RNF125: variants seen among roughly 807,000 people sequenced by gnomAD.
RNF125 encodes the protein E3 ubiquitin-protein ligase RNF125.
In RNF125, 21 loss-of-function variants were observed where a neutral mutation model predicts 26.0. That is an observed-to-expected ratio of 0.81 (90% CI 0.57 to 1.16). The LOEUF (loss-of-function observed/expected upper bound fraction) is 1.16. RNF125 is among the 50% of genes most tolerant of loss of function. The pLI is 0.00. For missense variants in RNF125, 270 were observed against 299.4 expected (o/e 0.90, Z 0.72); for synonymous variants, 95 against 109.2 (o/e 0.87, Z 0.81).
At chr18:32,062,685 A>G (rs1363437764) in intron 4 of RNF125, among the ~76,000 whole-genome samples, 1 of 152,200 alleles carries the variant, frequency 6.6e-6, no homozygotes, top group Non-Finnish European at 1.5e-5. Context: ...GATAAATTGG[A>G]CACTGTTAGA....
At chr18:32,063,045 C>T (rs765783773) in intron 4 of RNF125, among the ~76,000 whole-genome samples, 5 of 151,740 alleles carry the variant, frequency 3.3e-5, no homozygotes, top group Non-Finnish European at 5.9e-5. Flanking sequence ...AATGGTGAAA[C>T]CCTGTCTTTA....
chr18:32,063,967 TCTTTTTTTTTTTTTTAATCCATCAAGTC>T (rs1283179596), intron 4 of RNF125, among the ~76,000 whole-genome samples: 2 of 151,210 alleles, frequency 1.3e-5, no homozygotes, highest in African/African-American at 4.9e-5. Context: ...ATGGTCTGTA[TCTTTTTTTTTTTTTTAATCCATCAAGTC>T]CTTTTTTTTT....
downstream of RNF125, among the ~76,000 whole-genome samples, chr18:32,076,988 GTTATC>G (rs1040990247): frequency 3.0e-4 from 45 of 152,096 alleles, no homozygotes; most frequent in African/African-American, 1.0e-3. Flanking sequence ...AGAATGAGAA[GTTATC>G]TTATACATTT....
chr18:32,078,648 AAAG>A, the RNF125 span, among the ~76,000 whole-genome samples: 1 of 152,154 alleles, frequency 6.6e-6, no homozygotes, highest in Non-Finnish European at 1.5e-5. Flanking sequence ...TCTAAAAAAA[AAAG>A]AAAAGAAAAA....
At chr18:32,084,418 TG>T in the RNF125 span, among the ~76,000 whole-genome samples, 1 of 152,206 alleles carries the variant, frequency 6.6e-6, no homozygotes, top group African/African-American at 2.4e-5. Flanking sequence ...AAATGTGAGT[TG>T]ATTTGTTGAA....
chr18:32,072,653 A>G lies in RNF125; in HGVS notation c.*4269A>G, dbSNP rs1168814956. The G allele has an allele frequency of 2.0e-5, 3 of 152,238 alleles. No homozygotes were observed. Among genetic ancestry groups the G allele is most frequent in the Admixed American group, 6.5e-5 (1 of 15,282 alleles). 9.4% of individuals were successfully genotyped at this position (152,238 alleles called of 1,614,324 possible). On this transcript the variant is annotated 3_prime_UTR_variant, in exon 6 of 6. Transcript: ENST00000217740. ...TGTTTTACTGTGCCTTTGGCCTTTT[A>G]TAAAAAGGTATTTATAATTCGTTGA...
chr18:32,048,815 A>G (rs1301880435), intron 4 of RNF125, among the ~76,000 whole-genome samples: 4 of 152,174 alleles, frequency 2.6e-5, no homozygotes, highest in Non-Finnish European at 4.4e-5. Context: ...TGTAGGAGGA[A>G]CTGGGCTAGG....
chr18:32,063,108 T>G (rs370211078), intron 4 of RNF125, among the ~76,000 whole-genome samples: 1 of 151,080 alleles, frequency 6.6e-6, no homozygotes, highest in African/African-American at 2.4e-5. Flanking sequence ...TAATCCCAGC[T>G]ACTTGGGAGG....
intron 4 of RNF125, among the ~76,000 whole-genome samples, chr18:32,054,371 G>A (rs2039359966): frequency 6.6e-6 from 1 of 152,108 alleles, no homozygotes; most frequent in Non-Finnish European, 1.5e-5. Flanking sequence ...GCGATTACCG[G>A]CATGAGCCAC....
intron 1 of RNF125, among the ~76,000 whole-genome samples, chr18:32,025,743 CGT>C (rs139472981): frequency 1.1e-4 from 16 of 146,692 alleles, no homozygotes; most frequent in Admixed American, 1.4e-4. Flanking sequence ...TTTGTGTATG[CGT>C]GTGTGTGTGT....
intron 4 of RNF125, among the ~76,000 whole-genome samples, chr18:32,056,843 A>T (rs184620608): frequency 6.6e-6 from 1 of 152,304 alleles, no homozygotes; most frequent in East Asian, 1.9e-4. Flanking sequence ...ACAGCAAAAA[A>T]TTACAAACCT....
At chr18:32,043,511 C>A (rs1319625393) in intron 3 of RNF125, among the ~76,000 whole-genome samples, 1 of 152,136 alleles carries the variant, frequency 6.6e-6, no homozygotes, top group African/African-American at 2.4e-5. Context: ...TAGCTTTATA[C>A]CCTGACTTTA....
chr18:32,080,833 G>T, the RNF125 span, among the ~76,000 whole-genome samples: 10 of 152,198 alleles, frequency 6.6e-5, no homozygotes, highest in Admixed American at 6.5e-5. Flanking sequence ...CCAAGATGGC[G>T]CCACTGCACT....
intron 1 of RNF125, among the ~76,000 whole-genome samples, chr18:32,024,197 TTTTTTTTTTTTC>T (rs200215968): frequency 0.031 from 3,051 of 98,572 alleles, 122 homozygotes; most frequent in African/African-American, 0.1. Flanking sequence ...CCATTCTTTT[TTTTTTTTTTTTC>T]TTTTTTTTTT....
intron 3 of RNF125, among the ~76,000 whole-genome samples, chr18:32,042,707 A>G (rs1211841155): frequency 6.6e-6 from 1 of 150,752 alleles, no homozygotes; most frequent in African/African-American, 2.4e-5. Flanking sequence ...AGACAGCAGC[A>G]TCTCAGTATA....
rs546284192 is a variant in RNF125 at position 32,053,277 on chromosome 18, G to A, written c.504+7545G>A. On this transcript the variant is annotated intron_variant, in intron 4 of 5. Transcript: ENST00000217740. ...CTCGGGAGACTGAGGCAGGAGAATC[G>A]CTTGAACCCGGGAGGTGGAGGTTGT... is the stretch of plus-strand genomic sequence containing the variant. Among the ~76,000 whole-genome samples, 168 of 152,180 alleles carry A rather than the reference G, an allele frequency of 1.1e-3. 1 individual carries two copies. The highest frequency in any genetic ancestry group is 0.01 in the Middle Eastern group (3 of 294).
the RNF125 span, among the ~76,000 whole-genome samples, chr18:32,082,166 A>G: frequency 6.6e-6 from 1 of 151,716 alleles, no homozygotes. Context: ...TATCAGTACA[A>G]AATACATTGG....
chr18:32,035,466 C>T (rs2039143690), intron 1 of RNF125, among the ~76,000 whole-genome samples: 1 of 152,062 alleles, frequency 6.6e-6, no homozygotes, highest in East Asian at 1.9e-4. Context: ...CTGTGCCTGC[C>T]CATCACTAAA....
At chr18:32,028,685 T>G (rs2039064177) in intron 1 of RNF125, among the ~76,000 whole-genome samples, 1 of 151,424 alleles carries the variant, frequency 6.6e-6, no homozygotes, top group South Asian at 2.1e-4. Flanking sequence ...CCTGAGTAGC[T>G]GGGACTACAG....
Sources: allele counts gnomAD v4.1 joint callset (sites outside exome capture counted in the v4.1 genomes callset), GRCh38; gene constraint gnomAD v4.1.1; transcripts MANE v1.5; gene names NCBI Gene and HGNC (gene_info 2026-07-23, HGNC 2026-07-21).